HLF: variants seen among roughly 807,000 people sequenced by gnomAD.
HLF encodes the protein hepatic leukemia factor.
Under a neutral mutation model 22.6 loss-of-function variants are expected in HLF, and 3 were observed. The observed-to-expected ratio is 0.13, with a 90% CI of 0.06 to 0.34. The LOEUF (loss-of-function observed/expected upper bound fraction) is 0.34, where lower values mean the gene tolerates loss of function less well. HLF is among the 10% of genes least tolerant of loss of function. HLF has a pLI of 1.00. For synonymous variants in HLF, 151 were observed against 151.8 expected, an observed-to-expected ratio of 0.99 and a Z score of 0.04; for missense variants, 299 against 389.2, an observed-to-expected ratio of 0.77 and a Z score of 1.95.
At chr17:55,267,694 G>C (rs924364210) in intron 1 of HLF, 57 bp from the exon 2 acceptor site, 1 of 1,191,628 alleles carries the variant, frequency 8.4e-7, no homozygotes, top group African/African-American at 1.5e-5. Flanking sequence ...ATAAAAGAGC[G>C]GTATTGTTTT....
chr17:55,285,494 C>T (rs2080995915), intron 2 of HLF, among the ~76,000 whole-genome samples: 1 of 152,228 alleles, frequency 6.6e-6, no homozygotes, highest in African/African-American at 2.4e-5. Flanking sequence ...CTTGATACAA[C>T]ACAGTGTGCC....
chr17:55,319,118 G>A (rs955361218), intron 3 of HLF: 8 of 152,172 alleles, frequency 5.3e-5, no homozygotes, highest in Admixed American at 3.3e-4. Context: ...TGTATAAAAA[G>A]CTGGGGGTGC....
chr17:55,284,527 C>T (rs928132749), intron 2 of HLF, among the ~76,000 whole-genome samples: 4 of 152,164 alleles, frequency 2.6e-5, no homozygotes, highest in South Asian at 2.1e-4. Flanking sequence ...GCCTGGGAGT[C>T]GCTCATCAAC....
Position 55,265,137 on chromosome 17 carries a change from G to T in HLF, c.-348G>T, listed in dbSNP as rs2080775574. On this transcript the variant is annotated 5_prime_UTR_variant, in exon 1 of 4. Coordinates refer to ENST00000226067, the MANE Select transcript of HLF (RefSeq NM_002126.5). Reference sequence around the variant, plus strand: ...TCGGCGCGGTGTCTTCTGCCCTTCTGCAGCCGTCGACATTTTTTTTTCTTT... The same window carrying T: ...TCGGCGCGGTGTCTTCTGCCCTTCTTCAGCCGTCGACATTTTTTTTTCTTT... 1 of 213,664 alleles carries T rather than the reference G, an allele frequency of 4.7e-6. No individual in the cohort carries two copies. The highest frequency in any genetic ancestry group is 6.0e-5 in the Admixed American group (1 of 16,750). The allele number at this position is 213,664 out of a possible 1,614,324, so 13.2% of individuals were successfully genotyped here.
intron 2 of HLF, among the ~76,000 whole-genome samples, chr17:55,274,386 A>T (rs1018332827): frequency 6.6e-6 from 1 of 152,124 alleles, no homozygotes; most frequent in Non-Finnish European, 1.5e-5. Flanking sequence ...GTGGGTGAGA[A>T]TATTGGTCAC....
intron 2 of HLF, among the ~76,000 whole-genome samples, chr17:55,273,887 G>A (rs2145302628): frequency 6.6e-6 from 1 of 152,206 alleles, no homozygotes; most frequent in African/African-American, 2.4e-5. Flanking sequence ...AGATGCCAGG[G>A]AAACCTGTTC....
At chr17:55,316,248 G>A (rs1454361335) in intron 3 of HLF, among the ~76,000 whole-genome samples, 3 of 152,142 alleles carry the variant, frequency 2.0e-5, no homozygotes, top group Non-Finnish European at 2.9e-5. Flanking sequence ...GAACTTTCAT[G>A]CTTCTTTCCA....
chr17:55,288,881 A>T, intron 2 of HLF: 1 of 984,120 alleles, frequency 1.0e-6, no homozygotes, highest in Non-Finnish European at 1.2e-6. Context: ...TTAATCACAG[A>T]GACATGATTG....
chr17:55,314,217 A>G (rs1451768242), intron 2 of HLF, among the ~76,000 whole-genome samples: 1 of 152,226 alleles, frequency 6.6e-6, no homozygotes, highest in Non-Finnish European at 1.5e-5. Flanking sequence ...GAGAAACACA[A>G]GAAACCCATT....
chr17:55,265,906 A>G (rs922989740), intron 1 of HLF: 64 of 1,077,610 alleles, frequency 5.9e-5, no homozygotes, highest in Middle Eastern at 4.0e-4. Context: ...GTTCCCTAGA[A>G]CGAGGCACAC....
At chr17:55,274,849 T>G (rs2080891540) in intron 2 of HLF, among the ~76,000 whole-genome samples, 1 of 152,176 alleles carries the variant, frequency 6.6e-6, no homozygotes, top group Non-Finnish European at 1.5e-5. Context: ...TTCACCACCA[T>G]CTAATCTCAT....
chr17:55,287,427 C>A (rs7224610), intron 2 of HLF, among the ~76,000 whole-genome samples: 105,788 of 152,104 alleles, frequency 0.7, 38,246 homozygotes, highest in African/African-American at 0.9. Context: ...GCCATGGTCA[C>A]TGTGTAAGCC....
rs542232194 is a variant in HLF at position 55,290,904 on chromosome 17, C to T, written c.451+22818C>T. On this transcript the variant is annotated intron_variant, in intron 2 of 3. Coordinates refer to ENST00000226067, the MANE Select transcript of HLF (RefSeq NM_002126.5). ...ACAAATGATTAGAAAGTGAAACAGC[C>T]GTATTGCTGATATGAAGAAAGTTTG... Among the ~76,000 whole-genome samples, 570 of 152,242 alleles carry T rather than the reference C, an allele frequency of 3.7e-3. 1 individual carries two copies. Among genetic ancestry groups the T allele is most frequent in the Non-Finnish European group, 6.1e-3 (417 of 68,012 alleles).
rs1433880860 is a variant in HLF, at chr17:55,323,321, T to C, written c.*2442T>C. ...AGAGGCGAATTGTAGAATTGTTAGA[T>C]GGCAATAGTCATTAAAAACATAGAA... On this transcript the variant is annotated 3_prime_UTR_variant, in exon 4 of 4. Coordinates refer to ENST00000226067, the MANE Select transcript of HLF (RefSeq NM_002126.5). 1.8e-5 allele frequency: 4 copies of C among 216,608 alleles called. No homozygotes were observed. Among genetic ancestry groups the C allele is most frequent in the African/African-American group, 9.0e-5 (4 of 44,546 alleles). 13.4% of individuals were successfully genotyped at this position (216,608 alleles called of 1,614,324 possible).
chr17:55,313,565 T>C (rs1314660463), intron 2 of HLF, among the ~76,000 whole-genome samples: 3 of 152,062 alleles, frequency 2.0e-5, no homozygotes, highest in African/African-American at 7.2e-5. Context: ...GGGGACATTG[T>C]AGTGATGGGG....
rs1555610208 is a variant in HLF, at chr17:55,321,077, GTGTGCGTGTTC to G, written c.*199_*209del. 1.8e-6 allele frequency: 1 copy of G among 564,222 alleles called. No individual in the cohort carries two copies. Among genetic ancestry groups the G allele is most frequent in the Non-Finnish European group, 3.2e-6 (1 of 313,640 alleles). 35.0% of individuals were successfully genotyped at this position (564,222 alleles called of 1,614,324 possible). On this transcript the variant is annotated 3_prime_UTR_variant, in exon 4 of 4. Transcript: ENST00000226067. ...CATGTGTGTGGTCAGCGGTATGTGC[GTGTGCGTGTTC>G]CTTTGCTCTTGCCATTTTAAGGTAG...
At chr17:55,275,873 T>C (rs1459748947) in intron 2 of HLF, among the ~76,000 whole-genome samples, 1 of 152,146 alleles carries the variant, frequency 6.6e-6, no homozygotes, top group Non-Finnish European at 1.5e-5. Flanking sequence ...GAGGCTGATG[T>C]GGGAGGATTA....
Position 55,323,758 on chromosome 17 carries a change from G to A in HLF, c.*2879G>A. 2 of 230,936 alleles carry A rather than the reference G, an allele frequency of 8.7e-6. No individual in the cohort carries two copies. The highest frequency in any genetic ancestry group is 1.7e-5 in the Non-Finnish European group (2 of 116,314). 14.3% of individuals were successfully genotyped at this position (230,936 alleles called of 1,614,324 possible). A position where few individuals can be genotyped will look rare whatever the true frequency, so the allele number is the denominator to read the frequency against. The stretch of plus-strand genomic sequence containing the variant: ...CATGGCTTGACTCTGAGTGATTTGG[G>A]TCAACCGGAGTCAGACGCATGTCTG... On this transcript the variant is annotated 3_prime_UTR_variant, in exon 4 of 4. Transcript: ENST00000226067.
intron 2 of HLF, among the ~76,000 whole-genome samples, chr17:55,311,260 C>T (rs1263552862): frequency 6.6e-6 from 1 of 152,150 alleles, no homozygotes; most frequent in African/African-American, 2.4e-5. Context: ...AATAGTAAGA[C>T]CAGCCTGGCC....
Sources: gnomAD v4.1 joint callset for allele counts (sites outside exome capture counted in the v4.1 genomes callset) on GRCh38, gnomAD v4.1.1 for gene constraint, MANE v1.5 for transcripts, NCBI Gene and HGNC (gene_info 2026-07-23, HGNC 2026-07-21) for gene names.